EGFL6: variants seen among roughly 807,000 people sequenced by gnomAD.
The protein encoded by EGFL6 is epidermal growth factor-like protein 6.
A neutral mutation model predicts 43.1 loss-of-function variants in EGFL6; 42 were observed. The observed-to-expected ratio is 0.98, with a 90% CI of 0.76 to 1.26. EGFL6 has a LOEUF of 1.26. Among genes scored for constraint, EGFL6 ranks in the 50% most tolerant of loss-of-function variants. The pLI is 0.00. For synonymous variants in EGFL6, 164 were observed against 163.2 expected (o/e 1.01, Z -0.04); for missense variants, 429 against 427.8 (o/e 1.00, Z -0.02).
At chrX:13,592,957 C>G (rs1167529574) in intron 2 of EGFL6, among the ~76,000 whole-genome samples, 1 of 104,567 alleles carries the variant, frequency 9.6e-6, no homozygotes, top group Non-Finnish European at 2.0e-5. Context: ...CTTTGTCACC[C>G]AGGCTGGAGT....
At chrX:13,609,808 C>G (rs1420600342) in intron 7 of EGFL6, among the ~76,000 whole-genome samples, 1 of 111,536 alleles carries the variant, frequency 9.0e-6, no homozygotes, top group African/African-American at 3.3e-5. Flanking sequence ...TCCCTCTGGT[C>G]ATGACCCTTT....
intron 9 of EGFL6, among the ~76,000 whole-genome samples, chrX:13,622,378 GT>G (rs1478432492): frequency 9.0e-6 from 1 of 111,660 alleles, no homozygotes; most frequent in African/African-American, 3.3e-5. Flanking sequence ...GATGCTAGAC[GT>G]TTTTTTAAAC....
intron 3 of EGFL6, among the ~76,000 whole-genome samples, chrX:13,597,818 C>T (rs1392418041): frequency 1.8e-5 from 2 of 111,785 alleles, no homozygotes; most frequent in Non-Finnish European, 3.8e-5. Flanking sequence ...AGTAATAATT[C>T]AGCTATACCC....
Position 13,619,191 on chromosome X carries a change from C to T in EGFL6, c.1131C>T (p.Phe377=), listed in dbSNP as rs770872193. The change falls in exon 9 of 12, where the codon TTC becomes TTT. Residue 377 remains phenylalanine (F), a synonymous_variant. Coordinates refer to ENST00000361306, the MANE Select transcript of EGFL6 (RefSeq NM_015507.4). ...CTAAGGTGAATGAAGCAGGTGAATT[C>T]GGCCTGATTCTGGTCCAAAGGAAAG... is the stretch of plus-strand genomic sequence containing the variant. ...FFPKVNEAGE[F]GLILVQRKAL... is the part of the protein sequence containing the mutation. The T allele has an allele frequency of 1.7e-5, 20 of 1,211,182 alleles. No homozygotes were observed. Among genetic ancestry groups the T allele is most frequent in the Admixed American group, 2.2e-5 (1 of 46,044 alleles).
At chrX:13,623,694 T>A in intron 9 of EGFL6, 130 bp from the exon 10 acceptor site, 1 of 472,213 alleles carries the variant, frequency 2.1e-6, no homozygotes, top group Non-Finnish European at 3.5e-6. Flanking sequence ...CAGACATAAC[T>A]CAAAACAGGG....
rs2045551641 is a variant in EGFL6, at chrX:13,589,541, G to A, written c.75-15G>A. ...TCTATTTTCTCAATACTAACATGTAGTTCTTTATCTGCAGTGCAAGGCATC... is the reference window on the plus strand; with the variant it reads ...TCTATTTTCTCAATACTAACATGTAATTCTTTATCTGCAGTGCAAGGCATC... On this transcript the variant is annotated splice_polypyrimidine_tract_variant and intron_variant, in intron 1 of 11. Transcript: ENST00000361306. 8.4e-7 allele frequency: 1 copy of A among 1,190,584 alleles called. No homozygotes were observed. Among genetic ancestry groups the A allele is most frequent in the Admixed American group, 2.2e-5 (1 of 44,890 alleles).
At chrX:13,616,846 G>A (rs1407578370) in intron 7 of EGFL6, among the ~76,000 whole-genome samples, 1 of 107,118 alleles carries the variant, frequency 9.3e-6, no homozygotes, top group East Asian at 3.0e-4. Context: ...AAGAAGAATT[G>A]ATCTAGAGGT....
rs1428241307 is a variant in EGFL6 at position 13,623,819 on chromosome X, A to G, written c.1184-5A>G. On this transcript the variant is annotated splice_region_variant and splice_polypyrimidine_tract_variant and intron_variant, in intron 9 of 11. Transcript: ENST00000361306. ...GTTATGAAATATGTTCTTTCTTTTTAGCAGATTTAAATATCTCGGTTGACT... is the reference window on the plus strand; with the variant it reads ...GTTATGAAATATGTTCTTTCTTTTTGGCAGATTTAAATATCTCGGTTGACT... 1.7e-6 allele frequency: 2 copies of G among 1,192,672 alleles called. No individual in the cohort carries two copies. The highest frequency in any genetic ancestry group is 3.0e-5 in the East Asian group (1 of 33,764).
At chrX:13,610,368 G>A (rs764678143) in intron 7 of EGFL6, among the ~76,000 whole-genome samples, 11 of 112,001 alleles carry the variant, frequency 9.8e-5, no homozygotes, top group Non-Finnish European at 2.1e-4. Context: ...CATGGAGTAG[G>A]GACATTCCAC....
chrX:13,570,502 G>C (rs2045435125), intron 1 of EGFL6, among the ~76,000 whole-genome samples: 1 of 111,844 alleles, frequency 8.9e-6, no homozygotes, highest in Non-Finnish European at 1.9e-5. Flanking sequence ...GAAAGGACAC[G>C]GTTGTCAGAT....
At chrX:13,610,654 G>T (rs1440625685) in intron 7 of EGFL6, among the ~76,000 whole-genome samples, 1 of 111,734 alleles carries the variant, frequency 8.9e-6, no homozygotes, top group Non-Finnish European at 1.9e-5. Context: ...TCGGATGAGT[G>T]CCCAAGGGAC....
chrX:13,616,690 A>T (rs1208892281), intron 7 of EGFL6, among the ~76,000 whole-genome samples: 2 of 112,013 alleles, frequency 1.8e-5, no homozygotes, highest in African/African-American at 3.2e-5. Context: ...CGTCCCTAAC[A>T]TGATGAGTGC....
chrX:13,630,821 T>C (rs2045806649), intron 11 of EGFL6, among the ~76,000 whole-genome samples: 1 of 112,231 alleles, frequency 8.9e-6, no homozygotes, highest in Non-Finnish European at 1.9e-5. Flanking sequence ...TCTGTGATTC[T>C]TTATTAAGCA....
chrX:13,599,990 G>A lies in EGFL6; in HGVS notation c.296G>A (p.Gly99Glu). The part of the protein sequence containing the change: ...KTCSQDVNEC[G>E]MKPRPCQHRC... ...GTCCCTGCAGATGTGAATGAGTGTG[G>A]AATGAAACCCCGGCCATGCCAACAC... Residue 99 changes from glycine to glutamate, a missense_variant, in exon 4 of 12, where the codon GGA becomes GAA. By Grantham distance (98) the Gly-to-Glu change is moderately conservative. Transcript: ENST00000361306. The A allele has an allele frequency of 8.3e-7, 1 of 1,210,755 alleles. No homozygotes were observed. The highest frequency in any genetic ancestry group is 1.7e-5 in the African/African-American group (1 of 57,679).
At position 13,627,233 on chromosome X, in the gene EGFL6, C is replaced by G; in HGVS notation, c.1508C>G (p.Thr503Arg). ...ACGAGTGAGGATGAAAAGTGGAAGA[C>G]AGGGAAAATTCAGTTGTATCAAGGA... ...KTTSEDEKWK[T>R]GKIQLYQGTD... The change falls in exon 11 of 12, where the codon ACA becomes AGA. Residue 503 changes from threonine to arginine, a missense_variant. Thr to Arg is a moderately conservative substitution (Grantham distance 71, BLOSUM62 -1). Coordinates refer to ENST00000361306, the MANE Select transcript of EGFL6 (RefSeq NM_015507.4). The G allele has an allele frequency of 8.3e-7, 1 of 1,211,393 alleles. No homozygotes were observed. The highest frequency in any genetic ancestry group is 1.1e-6 in the Non-Finnish European group (1 of 895,049).
chrX:13,589,041 C>T (rs2045548465), intron 1 of EGFL6, among the ~76,000 whole-genome samples: 1 of 112,199 alleles, frequency 8.9e-6, no homozygotes, highest in African/African-American at 3.2e-5. Flanking sequence ...TGTGACTCCA[C>T]TCCATTGGAC....
In EGFL6 at chrX:13,569,869, T is replaced by C. The variant is rs1569199685; in HGVS notation, c.8T>C (p.Leu3Pro). Residue 3 changes from leucine to proline, a missense_variant, in exon 1 of 12, where the codon CTG (leucine) becomes CCG (proline). Transcript: ENST00000361306. Reference sequence around the variant, plus strand: ...AGGAGGACCCGTGCGAGAATGCCTCTGCCCTGGAGCCTTGCGCTCCCGCTG... The same window carrying C: ...AGGAGGACCCGTGCGAGAATGCCTCCGCCCTGGAGCCTTGCGCTCCCGCTG... MP[L>P]PWSLALPLLL... 2 of 1,212,065 alleles carry C rather than the reference T, an allele frequency of 1.7e-6. No homozygotes were observed. Among genetic ancestry groups the C allele is most frequent in the East Asian group, 3.0e-5 (1 of 33,846 alleles).
intron 7 of EGFL6, among the ~76,000 whole-genome samples, chrX:13,610,643 A>G (rs2045684390): frequency 8.9e-6 from 1 of 111,807 alleles, no homozygotes; most frequent in South Asian, 3.8e-4. Context: ...AGCTTTCCAT[A>G]TCGGATGAGT....
intron 5 of EGFL6, among the ~76,000 whole-genome samples, chrX:13,603,710 A>G (rs1480278487): frequency 8.9e-6 from 1 of 112,344 alleles, no homozygotes; most frequent in Non-Finnish European, 1.9e-5. Context: ...CATTTTATTT[A>G]AATTACCATC....
Sources: allele counts gnomAD v4.1 joint callset (sites outside exome capture counted in the v4.1 genomes callset), GRCh38; gene constraint gnomAD v4.1.1; transcripts MANE v1.5; gene names NCBI Gene and HGNC (gene_info 2026-07-23, HGNC 2026-07-21).